The following PRAMEF20 variants were observed in gnomAD, a reference collection of about 807,000 sequenced individuals.
PRAMEF20 encodes the protein PRAME family member 20.
PRAMEF20 carries 27 observed loss-of-function variants against 32.4 expected under a neutral mutation model. The observed-to-expected ratio is 0.83, with a 90% confidence interval of 0.61 to 1.15. The LOEUF is 1.15. Ranked by LOEUF, PRAMEF20 falls within the 50% of genes most tolerant of loss-of-function variation. The pLI is 0.00. For synonymous variants in PRAMEF20, 256 were observed against 235.4 expected (o/e 1.09, Z -0.80); for missense variants, 604 against 584.5 (o/e 1.03, Z -0.34).
chr1:13,418,732 C>T, intron 2 of PRAMEF20, 32 bp downstream of exon 3: 2 of 1,612,048 alleles, frequency 1.2e-6, no homozygotes, highest in Non-Finnish European at 8.5e-7. Flanking sequence ...TCTCTGCAGA[C>T]CACAGCAGAG....
chr1:13,419,116 C>T (rs1641215467), intron 2 of PRAMEF20, among the ~76,000 whole-genome samples: 1 of 152,058 alleles, frequency 6.6e-6, no homozygotes, highest in African/African-American at 2.4e-5. Flanking sequence ...AGCAAAGACT[C>T]CTGTCTAAAA....
chr1:13,410,746 T>C, the PRAMEF20 span, among the ~76,000 whole-genome samples: 1 of 151,568 alleles, frequency 6.6e-6, no homozygotes, highest in Non-Finnish European at 1.5e-5. Flanking sequence ...TTGGTGGGAG[T>C]AGTGACCCAT....
chr1:13,414,272 G>A (rs906941258), upstream of PRAMEF20, among the ~76,000 whole-genome samples: 242 of 146,180 alleles, frequency 1.7e-3, 4 homozygotes, highest in African/African-American at 5.8e-3. Context: ...TGTTTTCCAG[G>A]CTGGTCTTGA....
chr1:13,417,690 G>A (rs1213854480), intron 1 of PRAMEF20, among the ~76,000 whole-genome samples: 2 of 150,656 alleles, frequency 1.3e-5, no homozygotes, highest in Admixed American at 6.6e-5. Flanking sequence ...AGGGAAGAGA[G>A]CAGCTGATAT....
At chr1:13,417,185 T>C (rs1214165461) in intron 1 of PRAMEF20, among the ~76,000 whole-genome samples, 1 of 152,066 alleles carries the variant, frequency 6.6e-6, no homozygotes, top group Non-Finnish European at 1.5e-5. Flanking sequence ...AGGTTGCCGC[T>C]GCTGACTGGG....
intron 1 of PRAMEF20, among the ~76,000 whole-genome samples, chr1:13,416,911 C>G (rs1641181885): frequency 1.3e-5 from 2 of 152,078 alleles, no homozygotes; most frequent in Non-Finnish European, 1.5e-5. Flanking sequence ...GTGGCTCACA[C>G]CTGTAATCCC....
At chr1:13,419,060 A>G (rs1641214938) in intron 2 of PRAMEF20, among the ~76,000 whole-genome samples, 1 of 152,178 alleles carries the variant, frequency 6.6e-6, no homozygotes, top group Non-Finnish European at 1.5e-5. Flanking sequence ...AGTGCTAGCA[A>G]GAGGATAATT....
intron 1 of PRAMEF20, 66 bp downstream of exon 2, chr1:13,416,707 TGAG>T: frequency 6.2e-7 from 1 of 1,612,036 alleles, no homozygotes; most frequent in Non-Finnish European, 8.5e-7. Flanking sequence ...AGCTGGGTCA[TGAG>T]GAGTGAGGAG....
chr1:13,414,193 C>T (rs1019697312), upstream of PRAMEF20, among the ~76,000 whole-genome samples: 12 of 149,698 alleles, frequency 8.0e-5, no homozygotes, highest in Non-Finnish European at 1.3e-4. Flanking sequence ...AGGCACCCGC[C>T]ATCACACCTG....
chr1:13,419,456 A>G (rs1641218719), intron 2 of PRAMEF20, among the ~76,000 whole-genome samples: 1 of 151,586 alleles, frequency 6.6e-6, no homozygotes, highest in Non-Finnish European at 1.5e-5. Flanking sequence ...ACCCAAAAAC[A>G]AGATAATTTT....
At chr1:13,417,232 G>A (rs1641186099) in intron 1 of PRAMEF20, among the ~76,000 whole-genome samples, 2 of 152,100 alleles carry the variant, frequency 1.3e-5, no homozygotes, top group Non-Finnish European at 2.9e-5. Context: ...CCCCTCCCAT[G>A]TTCCATTTCT....
At chr1:13,418,216 G>A (rs1641203530) in exon 2 of PRAMEF20, 2 of 1,613,690 alleles carry the variant, frequency 1.2e-6, no homozygotes, top group Non-Finnish European at 1.7e-6. Flanking sequence ...CTTACCAAAT[G>A]CCATGATGAA....
upstream of PRAMEF20, among the ~76,000 whole-genome samples, chr1:13,415,808 G>A (rs1641163362): frequency 1.3e-5 from 2 of 148,564 alleles, no homozygotes; most frequent in South Asian, 2.2e-4. Flanking sequence ...ACAAAGGGAG[G>A]GAGGGAGGGA....
At chr1:13,415,028 T>C (rs957201488), upstream of PRAMEF20, among the ~76,000 whole-genome samples, 1 of 151,510 alleles carries the variant, frequency 6.6e-6, no homozygotes, top group Non-Finnish European at 1.5e-5. Flanking sequence ...TTAAGAGTGA[T>C]AGCTTTGTTC....
chr1:13,420,500 C>A (rs918661184), intron 2 of PRAMEF20, among the ~76,000 whole-genome samples, 197 bp from the exon 4 acceptor site: 2 of 152,244 alleles, frequency 1.3e-5, no homozygotes, highest in East Asian at 3.9e-4. Context: ...TGAGTTACTG[C>A]GCCAGGCCTA....
chr1:13,420,527 A>G (rs1641230670), intron 2 of PRAMEF20, among the ~76,000 whole-genome samples, 170 bp from the exon 4 acceptor site: 1 of 152,110 alleles, frequency 6.6e-6, no homozygotes, highest in Non-Finnish European at 1.5e-5. Context: ...AATTGACCTC[A>G]GTGGCAAAGC....
At chr1:13,412,100 C>G (rs2100427540), upstream of PRAMEF20, among the ~76,000 whole-genome samples, 1 of 151,868 alleles carries the variant, frequency 6.6e-6, no homozygotes, top group South Asian at 2.1e-4. Context: ...GAGTTTTGCT[C>G]TCTCACTCAG....
At chr1:13,420,229 G>A (rs1641227934) in intron 2 of PRAMEF20, among the ~76,000 whole-genome samples, 1 of 151,856 alleles carries the variant, frequency 6.6e-6, no homozygotes, top group Non-Finnish European at 1.5e-5. Context: ...TCTTTCTTTT[G>A]AGACAGAGTC....
At chr1:13,418,386 G>C in exon 2 of PRAMEF20, 1 of 1,613,876 alleles carries the variant, frequency 6.2e-7, no homozygotes, top group Non-Finnish European at 8.5e-7. Flanking sequence ...GCTGTAAGAA[G>C]CTGAAAATGT....
Sources: gnomAD v4.1 joint callset for allele counts (sites outside exome capture counted in the v4.1 genomes callset) on GRCh38, gnomAD v4.1.1 for gene constraint, MANE v1.5 for transcripts, NCBI Gene and HGNC (gene_info 2026-07-23, HGNC 2026-07-21) for gene names.